The following PRKCH variants were observed in gnomAD, a reference collection of about 807,000 sequenced individuals.
The protein encoded by PRKCH is protein kinase C eta type.
A neutral mutation model predicts 82.5 loss-of-function variants in PRKCH; 28 were observed. The ratio of observed to expected loss-of-function variants is 0.34; its 90% CI spans 0.25 to 0.47. PRKCH has a LOEUF of 0.47. Ranked by LOEUF, PRKCH falls within the 20% of genes least tolerant of loss-of-function variation. The pLI is 1.00. For missense variants in PRKCH, 705 were observed against 881.8 expected, an observed-to-expected ratio of 0.80 and a Z score of 2.54; for synonymous variants, 322 against 327.4, an observed-to-expected ratio of 0.98 and a Z score of 0.18.
chr14:61,348,308 G>A (rs2140145089), intron 1 of PRKCH, among the ~76,000 whole-genome samples: 1 of 152,256 alleles, frequency 6.6e-6, no homozygotes, highest in African/African-American at 2.4e-5. Context: ...GGGGTGTGTG[G>A]CCATGAAGTG....
At chr14:61,243,911 G>C (rs2044860352) in intron 1 of PRKCH, among the ~76,000 whole-genome samples, 1 of 150,236 alleles carries the variant, frequency 6.7e-6, no homozygotes, top group South Asian at 2.1e-4. Context: ...AGGAGCTTGA[G>C]ACCAGCCTAG....
chr14:61,444,962 T>C (rs1884151504), intron 3 of PRKCH, among the ~76,000 whole-genome samples: 1 of 152,154 alleles, frequency 6.6e-6, no homozygotes, highest in South Asian at 2.1e-4. Flanking sequence ...GGCTTCAGAG[T>C]CTGTGCTCTT....
intron 1 of PRKCH, among the ~76,000 whole-genome samples, chr14:61,202,360 G>A (rs902906401): frequency 6.6e-6 from 1 of 152,120 alleles, no homozygotes; most frequent in African/African-American, 2.4e-5. Flanking sequence ...CTAATCCCAG[G>A]GCACAAAAAG....
intron 1 of PRKCH, among the ~76,000 whole-genome samples, chr14:61,336,365 G>A (rs1266395152): frequency 6.6e-6 from 1 of 152,212 alleles, no homozygotes; most frequent in African/African-American, 2.4e-5. Context: ...ACAGGGATTG[G>A]GGGTAAATTC....
At chr14:61,291,437 C>A (rs527773194) in intron 1 of PRKCH, among the ~76,000 whole-genome samples, 1 of 146,020 alleles carries the variant, frequency 6.8e-6, no homozygotes, top group South Asian at 2.2e-4. Flanking sequence ...TCAAGCAATT[C>A]TCCTGCCTCA....
chr14:61,513,334 A>G (rs2042775231), intron 10 of PRKCH, among the ~76,000 whole-genome samples: 1 of 152,200 alleles, frequency 6.6e-6, no homozygotes, highest in African/African-American at 2.4e-5. Flanking sequence ...TGAAATAAGC[A>G]TGGAGAAGAT....
intron 1 of PRKCH, among the ~76,000 whole-genome samples, chr14:61,286,520 T>C (rs905906401): frequency 2.0e-5 from 3 of 152,200 alleles, no homozygotes; most frequent in Non-Finnish European, 4.4e-5. Flanking sequence ...CTCACACCTG[T>C]AATCCCAGCA....
rs568494750 is a variant in PRKCH, at chr14:61,488,929, C to G, written c.1433+3273C>G. 7.2e-5 allele frequency among the ~76,000 whole-genome samples: 11 copies of G among 152,308 alleles called. 1 individual carries two copies. In the South Asian group the frequency reaches 2.1e-3, roughly 29 times the overall value. On this transcript the variant is annotated intron_variant, in intron 10 of 13. Coordinates refer to ENST00000332981, the MANE Select transcript of PRKCH (RefSeq NM_006255.5). ...TGGACTTGAATCCCATGTTCAGGCT[C>G]TAACTGATATGGTTGACTTTGAAGG...
chr14:61,317,435 T>A (rs566171243), upstream of PRKCH, among the ~76,000 whole-genome samples: 17 of 152,358 alleles, frequency 1.1e-4, no homozygotes, highest in African/African-American at 4.1e-4. Context: ...CCATTCTTTT[T>A]AAATTTATTT....
At chr14:61,518,597 G>A (rs370477692) in intron 10 of PRKCH, among the ~76,000 whole-genome samples, 1 of 152,054 alleles carries the variant, frequency 6.6e-6, no homozygotes, top group Non-Finnish European at 1.5e-5. Flanking sequence ...CAGCGAATGG[G>A]GTTTTTTGGG....
At chr14:61,514,920 G>A (rs1375661416) in intron 10 of PRKCH, among the ~76,000 whole-genome samples, 1 of 152,220 alleles carries the variant, frequency 6.6e-6, no homozygotes, top group Non-Finnish European at 1.5e-5. Context: ...CACCAGTGCA[G>A]TGGCATTGAT....
intron 1 of PRKCH, among the ~76,000 whole-genome samples, chr14:61,354,372 A>G (rs762556488): frequency 3.3e-5 from 5 of 151,352 alleles, no homozygotes; most frequent in Non-Finnish European, 5.9e-5. Context: ...ACTGGTTTAC[A>G]TAATTTACCA....
At chr14:61,396,095 A>AG (rs2046777836) in intron 2 of PRKCH, among the ~76,000 whole-genome samples, 1 of 150,996 alleles carries the variant, frequency 6.6e-6, no homozygotes, top group African/African-American at 2.5e-5. Context: ...AAAAAAAAAA[A>AG]AAAGAAAAGA....
intron 10 of PRKCH, among the ~76,000 whole-genome samples, chr14:61,512,849 A>T (rs74874960): frequency 6.6e-6 from 1 of 152,062 alleles, no homozygotes; most frequent in Non-Finnish European, 1.5e-5. Flanking sequence ...ATTTGGAGAC[A>T]TGGATCCTGT....
intron 9 of PRKCH, among the ~76,000 whole-genome samples, chr14:61,484,630 C>G (rs550721185): frequency 1.3e-5 from 2 of 152,182 alleles, no homozygotes; most frequent in East Asian, 3.9e-4. Context: ...CCACTTTTAC[C>G]TGCTAGGTTG....
chr14:61,350,652 T>C (rs1451637014), intron 1 of PRKCH, among the ~76,000 whole-genome samples: 1 of 152,082 alleles, frequency 6.6e-6, no homozygotes, highest in African/African-American at 2.4e-5. Context: ...CATAACACTT[T>C]TTTGTCTGTC....
At chr14:61,418,395 G>A (rs1423664480) in intron 2 of PRKCH, among the ~76,000 whole-genome samples, 2 of 152,204 alleles carry the variant, frequency 1.3e-5, no homozygotes, top group Non-Finnish European at 2.9e-5. Context: ...TTAGCACGAT[G>A]TGTAATGATT....
chr14:61,366,850 T>C lies in PRKCH; in HGVS notation c.364-24375T>C, dbSNP rs114535736. ...CTCTTATTATAATGGTAATGAAAAT[T>C]GGACCCTAGAACTTTGGACCTCCCC... On this transcript the variant is annotated intron_variant, in intron 1 of 13. Coordinates refer to ENST00000332981, the MANE Select transcript of PRKCH (RefSeq NM_006255.5). 3.6e-3 allele frequency among the ~76,000 whole-genome samples: 543 copies of C among 152,090 alleles called. 14 individuals are homozygous for C. The highest frequency in any genetic ancestry group is 0.012 in the African/African-American group (516 of 41,380).
chr14:61,544,696 CTT>C (rs1312980955), intron 12 of PRKCH: 5 of 152,218 alleles, frequency 3.3e-5, no homozygotes, highest in African/African-American at 1.2e-4. Context: ...CTATTTTTGT[CTT>C]TGTTCCACTA....
Sources: gnomAD v4.1 joint callset for allele counts (sites outside exome capture counted in the v4.1 genomes callset) on GRCh38, gnomAD v4.1.1 for gene constraint, MANE v1.5 for transcripts, NCBI Gene and HGNC (gene_info 2026-07-23, HGNC 2026-07-21) for gene names.